Variants in EPHA4 observed in about 807,000 individuals in gnomAD.
EPHA4 encodes the protein EPH receptor A4, also known as ephrin type-A receptor 4.
EPHA4 carries 19 observed loss-of-function variants against 108.3 expected under a neutral mutation model. The ratio of observed to expected loss-of-function variants is 0.18; its 90% CI spans 0.12 to 0.26. The LOEUF (loss-of-function observed/expected upper bound fraction) is 0.26. Among genes scored for constraint, EPHA4 ranks in the 10% least tolerant of loss-of-function variants. EPHA4 has a pLI of 1.00. For missense variants in EPHA4, 917 were observed against 1,254.0 expected, an observed-to-expected ratio of 0.73 and a Z score of 4.06; for synonymous variants, 449 against 455.5, an observed-to-expected ratio of 0.99 and a Z score of 0.18.
At chr2:221,504,484 C>T (rs893899763) in intron 3 of EPHA4, among the ~76,000 whole-genome samples, 1 of 151,656 alleles carries the variant, frequency 6.6e-6, no homozygotes, top group South Asian at 2.1e-4. Flanking sequence ...GATGTGTGTA[C>T]GTGACAGTAT....
chr2:221,545,581 C>T (rs968088979), intron 3 of EPHA4, among the ~76,000 whole-genome samples: 1 of 152,196 alleles, frequency 6.6e-6, no homozygotes, highest in African/African-American at 2.4e-5. Context: ...AACTGACCTT[C>T]TATCCTGCCA....
At chr2:221,506,476 T>A (rs991768624) in intron 3 of EPHA4, among the ~76,000 whole-genome samples, 2 of 152,170 alleles carry the variant, frequency 1.3e-5, no homozygotes, top group Non-Finnish European at 2.9e-5. Context: ...AGGTTAAGGG[T>A]TTGCCCAAGG....
chr2:221,472,986 C>A (rs1320575151), intron 5 of EPHA4, among the ~76,000 whole-genome samples: 15 of 152,114 alleles, frequency 9.9e-5, no homozygotes, highest in Admixed American at 9.8e-4. Context: ...TTTTGATGAC[C>A]ATTCAGCCAG....
At chr2:221,529,326 G>A (rs997620372) in intron 3 of EPHA4, among the ~76,000 whole-genome samples, 1 of 152,132 alleles carries the variant, frequency 6.6e-6, no homozygotes, top group African/African-American at 2.4e-5. Context: ...TGGGAGAAGG[G>A]GCGGTCACCA....
intron 4 of EPHA4, among the ~76,000 whole-genome samples, chr2:221,483,766 C>T (rs987171388): frequency 3.9e-5 from 6 of 152,208 alleles, no homozygotes; most frequent in African/African-American, 1.4e-4. Flanking sequence ...TCCCAAAGTG[C>T]TGGGATTACA....
At chr2:221,475,494 G>A (rs1413022833) in intron 5 of EPHA4, among the ~76,000 whole-genome samples, 1 of 152,212 alleles carries the variant, frequency 6.6e-6, no homozygotes, top group Non-Finnish European at 1.5e-5. Context: ...AATGATACCA[G>A]TATTTCAATA....
chr2:221,432,653 T>C (rs912026293), intron 14 of EPHA4, among the ~76,000 whole-genome samples: 1 of 151,660 alleles, frequency 6.6e-6, no homozygotes, highest in Non-Finnish European at 1.5e-5. Flanking sequence ...AACATTTTTT[T>C]TTTTTTTTGA....
At chr2:221,470,184 T>G (rs1023939241) in intron 5 of EPHA4, among the ~76,000 whole-genome samples, 2 of 152,132 alleles carry the variant, frequency 1.3e-5, no homozygotes, top group African/African-American at 4.8e-5. Context: ...AATTCAGTTG[T>G]AAATCAATGT....
At chr2:221,459,693 T>C (rs1691080844) in intron 5 of EPHA4, among the ~76,000 whole-genome samples, 1 of 152,130 alleles carries the variant, frequency 6.6e-6, no homozygotes, top group East Asian at 1.9e-4. Flanking sequence ...GAAAACTGCC[T>C]GGCTGTGGAA....
rs1694539154 is a variant in EPHA4 at position 221,563,752 on chromosome 2, C to T, written c.802G>A (p.Glu268Lys). 1 of 1,614,210 alleles carries T rather than the reference C, an allele frequency of 6.2e-7. No individual in the cohort carries two copies. Residue 268 changes from glutamate to lysine, a missense_variant, in exon 3 of 18, where the codon GAG (glutamate) becomes AAG (lysine). Around this residue, in one of 3 missense-constraint regions of EPHA4, gnomAD observed 758 missense variants for 1,076.7 expected, o/e 0.70. Transcript: ENST00000281821. The stretch of plus-strand genomic sequence containing the variant: ...TTACCTTGGCATTCTCCGCTCCGCT[C>T]CTCATGCCCAGCGTTGCATAGGCAG... ...GNCLCNAGHE[E>K]RSGECQACKI...
At chr2:221,533,289 A>G (rs935254400) in intron 3 of EPHA4, among the ~76,000 whole-genome samples, 5 of 152,204 alleles carry the variant, frequency 3.3e-5, no homozygotes, top group African/African-American at 1.2e-4. Context: ...ACAGCCTACC[A>G]TAAATACAAT....
Position 221,564,038 on chromosome 2 carries a change from A to G in EPHA4, c.516T>C (p.Asp172=). 1 of 1,612,500 alleles carries G rather than the reference A, an allele frequency of 6.2e-7. No individual in the cohort carries two copies. The highest frequency in any genetic ancestry group is 8.5e-7 in the Non-Finnish European group (1 of 1,179,536). The change falls in exon 3 of 18, where the codon GAT becomes GAC. Residue 172 remains aspartate (D), a synonymous_variant. Transcript: ENST00000281821. ...RIMKLNTEIR[D]VGPLSKKGFY... is the part of the protein sequence containing the mutation. ...ACCCCTTTTTGCTTAATGGCCCTAC[A>G]TCCCGGATCTCGGTGTTCAGCTTCA...
chr2:221,546,444 TTTTTTA>T (rs1008120060), intron 3 of EPHA4, among the ~76,000 whole-genome samples: 7 of 152,104 alleles, frequency 4.6e-5, no homozygotes, highest in South Asian at 4.2e-4. Flanking sequence ...TACTTTTTTC[TTTTTTA>T]TTTTTATCAG....
intron 2 of EPHA4, 102 bp downstream of exon 2, chr2:221,568,615 AC>A (rs931902702): frequency 3.0e-5 from 25 of 838,130 alleles, no homozygotes; most frequent in Non-Finnish European, 4.7e-5. Context: ...CGGAAATCTG[AC>A]CCCCTCACCA....
At chr2:221,567,112 C>T (rs1192119054) in intron 2 of EPHA4, among the ~76,000 whole-genome samples, 3 of 152,060 alleles carry the variant, frequency 2.0e-5, no homozygotes, top group Admixed American at 1.3e-4. Flanking sequence ...TGTCATATAG[C>T]TCACACATAT....
chr2:221,549,292 G>A (rs1388286368), intron 3 of EPHA4, among the ~76,000 whole-genome samples: 1 of 152,166 alleles, frequency 6.6e-6, no homozygotes, highest in East Asian at 1.9e-4. Context: ...GTGTGGTTAT[G>A]TGAAAAATGA....
intron 3 of EPHA4, among the ~76,000 whole-genome samples, chr2:221,537,001 T>C (rs936981448): frequency 1.3e-5 from 2 of 152,214 alleles, no homozygotes; most frequent in Admixed American, 1.3e-4. Context: ...TTATTTTAAA[T>C]TAATGCCATA....
intron 17 of EPHA4, among the ~76,000 whole-genome samples, chr2:221,422,655 C>T (rs1231652483): frequency 6.6e-6 from 1 of 152,156 alleles, no homozygotes; most frequent in Non-Finnish European, 1.5e-5. Context: ...TGAATTCAGG[C>T]AACTCCTTTA....
chr2:221,440,734 A>G (rs1391165159), intron 11 of EPHA4, among the ~76,000 whole-genome samples: 3 of 152,042 alleles, frequency 2.0e-5, no homozygotes, highest in Admixed American at 1.3e-4. Flanking sequence ...TAACCACTCT[A>G]AGTATTCTAT....
Sources: allele counts gnomAD v4.1 joint callset (sites outside exome capture counted in the v4.1 genomes callset), GRCh38; gene constraint gnomAD v4.1.1; regional missense constraint gnomAD v4.1.1; transcripts MANE v1.5; gene names NCBI Gene and HGNC (gene_info 2026-07-23, HGNC 2026-07-21).